ROBO2: variants seen among roughly 807,000 people sequenced by gnomAD.
ROBO2 encodes the protein roundabout guidance receptor 2.
A neutral mutation model predicts 160.8 loss-of-function variants in ROBO2; 53 were observed. That is an observed-to-expected ratio of 0.33 (90% CI 0.26 to 0.41). The LOEUF (loss-of-function observed/expected upper bound fraction) is 0.41, where lower values mean the gene tolerates loss of function less well. Among genes scored for constraint, ROBO2 ranks in the 10% least tolerant of loss-of-function variants. The probability of loss-of-function intolerance (pLI) is 1.00; values close to 1 mark genes in which losing one functional copy is unlikely to be tolerated. For missense variants in ROBO2, 1,577 were observed against 1,722.4 expected (o/e 0.92, Z 1.49); for synonymous variants, 664 against 611.7 (o/e 1.09, Z -1.26).
At chr3:77,388,014 A>G (rs2074311915) in intron 2 of ROBO2, among the ~76,000 whole-genome samples, 1 of 151,248 alleles carries the variant, frequency 6.6e-6, no homozygotes, top group Admixed American at 6.6e-5. Context: ...AAGAAAAAAG[A>G]AAAAAAAATG....
At chr3:76,024,836 C>T (rs72890378) in intron 2 of ROBO2, among the ~76,000 whole-genome samples, 3,338 of 151,440 alleles carry the variant, frequency 0.022, 71 homozygotes, top group African/African-American at 0.059. Flanking sequence ...CTTGATATGA[C>T]CACTTGATGG....
At chr3:76,035,806 G>T (rs2067087386) in intron 2 of ROBO2, among the ~76,000 whole-genome samples, 2 of 151,948 alleles carry the variant, frequency 1.3e-5, no homozygotes. Context: ...AGTCTTGATT[G>T]CGATTTTCAT....
intron 2 of ROBO2, among the ~76,000 whole-genome samples, chr3:76,690,806 G>C (rs528163406): frequency 6.6e-6 from 1 of 152,110 alleles, no homozygotes; most frequent in South Asian, 2.1e-4. Context: ...ATTAATAAGC[G>C]TATCTGTGAA....
intron 5 of ROBO2, among the ~76,000 whole-genome samples, chr3:77,520,505 A>T (rs2090483264): frequency 6.6e-6 from 1 of 151,266 alleles, no homozygotes. Flanking sequence ...AATCGAAATA[A>T]TATACAATAT....
chr3:76,563,975 G>A (rs1038659287), intron 2 of ROBO2, among the ~76,000 whole-genome samples: 1 of 152,194 alleles, frequency 6.6e-6, no homozygotes, highest in African/African-American at 2.4e-5. Flanking sequence ...AGAGGCCAAG[G>A]TGGGTGGATC....
chr3:76,710,858 C>T (rs2093278818), intron 2 of ROBO2, among the ~76,000 whole-genome samples: 1 of 152,056 alleles, frequency 6.6e-6, no homozygotes, highest in Non-Finnish European at 1.5e-5. Context: ...CAGGATGATG[C>T]GATAGAAAGT....
intron 2 of ROBO2, among the ~76,000 whole-genome samples, chr3:77,155,329 A>G (rs757107468): frequency 6.6e-6 from 1 of 152,084 alleles, no homozygotes; most frequent in Non-Finnish European, 1.5e-5. Flanking sequence ...AAGTGGGCTC[A>G]GTGAAATCAG....
At chr3:76,461,146 G>A (rs537374142) in intron 2 of ROBO2, among the ~76,000 whole-genome samples, 25 of 152,296 alleles carry the variant, frequency 1.6e-4, no homozygotes, top group African/African-American at 5.8e-4. Context: ...GGAGGCCTCA[G>A]GAAACTTATA....
intron 17 of ROBO2, among the ~76,000 whole-genome samples, chr3:77,591,537 A>C (rs973640244): frequency 8.5e-5 from 13 of 152,212 alleles, no homozygotes; most frequent in African/African-American, 3.1e-4. Context: ...AATTGCAAGA[A>C]ATTCAAAATA....
At chr3:76,887,497 G>T (rs2073997842) in intron 2 of ROBO2, among the ~76,000 whole-genome samples, 1 of 152,072 alleles carries the variant, frequency 6.6e-6, no homozygotes, top group African/African-American at 2.4e-5. Flanking sequence ...CAAGGGGGTT[G>T]TGCGGTGGCT....
intron 2 of ROBO2, among the ~76,000 whole-genome samples, chr3:76,999,720 T>C (rs2061235719): frequency 6.6e-6 from 1 of 152,162 alleles, no homozygotes; most frequent in Non-Finnish European, 1.5e-5. Flanking sequence ...TTGTATAAAA[T>C]ACATTTTTCA....
chr3:76,450,065 GC>G (rs1209262400), intron 2 of ROBO2, among the ~76,000 whole-genome samples: 1 of 151,656 alleles, frequency 6.6e-6, no homozygotes, highest in Non-Finnish European at 1.5e-5. Flanking sequence ...TGTAACACCA[GC>G]TAATATAAAC....
At chr3:76,922,752 TGGATTGGCTCTGG>T (rs1271384509) in intron 2 of ROBO2, among the ~76,000 whole-genome samples, 1 of 152,190 alleles carries the variant, frequency 6.6e-6, no homozygotes, top group Non-Finnish European at 1.5e-5. Flanking sequence ...CCGATTGTGA[TGGATTGGCTCTGG>T]GCCAGGGGCC....
At chr3:75,958,268 T>C (rs1228928950) in intron 2 of ROBO2, among the ~76,000 whole-genome samples, 5 of 151,898 alleles carry the variant, frequency 3.3e-5, no homozygotes, top group Admixed American at 1.3e-4. Flanking sequence ...AGATAACTTA[T>C]TTTTATTTGT....
chr3:76,552,691 G>A (rs1295759395), intron 2 of ROBO2, among the ~76,000 whole-genome samples: 1 of 152,180 alleles, frequency 6.6e-6, no homozygotes, highest in African/African-American at 2.4e-5. Context: ...GTGAACCCAT[G>A]TAGAATATAT....
At chr3:76,134,606 G>T (rs1056595335) in intron 2 of ROBO2, among the ~76,000 whole-genome samples, 11 of 152,014 alleles carry the variant, frequency 7.2e-5, no homozygotes, top group Middle Eastern at 3.2e-3. Context: ...TGTATGGAAT[G>T]GCCTGAGCTT....
At chr3:76,284,414 A>AAT (rs1205200074) in intron 2 of ROBO2, among the ~76,000 whole-genome samples, 4 of 150,408 alleles carry the variant, frequency 2.7e-5, no homozygotes, top group Admixed American at 1.3e-4. Flanking sequence ...CTATAAAAAA[A>AAT]ATCTGAGATA....
chr3:76,108,929 A>G (rs1324172160), intron 2 of ROBO2, among the ~76,000 whole-genome samples: 2 of 151,404 alleles, frequency 1.3e-5, no homozygotes, highest in African/African-American at 2.4e-5. Flanking sequence ...CTATTAATGT[A>G]TTGATTTTAG....
chr3:75,908,682 A>G (rs1177193241), intron 1 of ROBO2, among the ~76,000 whole-genome samples: 1 of 152,222 alleles, frequency 6.6e-6, no homozygotes, highest in Non-Finnish European at 1.5e-5. Context: ...TATGAAAAAA[A>G]AGCATTTCTT....
Sources: gnomAD v4.1 joint callset for allele counts (sites outside exome capture counted in the v4.1 genomes callset) on GRCh38, gnomAD v4.1.1 for gene constraint, MANE v1.5 for transcripts, NCBI Gene and HGNC (gene_info 2026-07-23, HGNC 2026-07-21) for gene names.